Variants in CACNA1F observed in about 807,000 individuals in gnomAD.
CACNA1F encodes the protein voltage-dependent L-type calcium channel subunit alpha-1F.
Under a neutral mutation model 143.8 loss-of-function variants are expected in CACNA1F, and 59 were observed. That is an observed-to-expected ratio of 0.41 (90% CI 0.33 to 0.51). The LOEUF is 0.51. CACNA1F is among the 20% of genes least tolerant of loss of function. The pLI is 0.22. For synonymous variants in CACNA1F, 643 were observed against 649.1 expected (o/e 0.99, Z 0.14); for missense variants, 1,411 against 1,647.5 (o/e 0.86, Z 2.48).
At chrX:49,233,215 T>TTTTTGGGGGGGGGGGGGTTGGGGG in intron 1 of CACNA1F, 70 bp downstream of exon 1, 1 of 812,967 alleles carries the variant, frequency 1.2e-6, no homozygotes, top group Non-Finnish European at 1.7e-6. Context: ...GGGGTCTGGG[T>TTTTTGGGGGGGGGGGGGTTGGGGG]GGGCAATGGG....
chrX:49,228,546 GA>G (rs1415622393), intron 6 of CACNA1F, 99 bp from the exon 7 acceptor site: 9 of 638,954 alleles, frequency 1.4e-5, no homozygotes, highest in Non-Finnish European at 2.3e-5. Flanking sequence ...TTGGGTCCTA[GA>G]TTTTTCTCTT....
intron 42 of CACNA1F, 191 bp downstream of exon 42, chrX:49,209,071 T>C: frequency 4.2e-6 from 2 of 478,307 alleles, no homozygotes; most frequent in Non-Finnish European, 7.2e-6. Flanking sequence ...AAGCGATCCT[T>C]CCACCCTGGA....
In CACNA1F at chrX:49,209,941, C is replaced by G; in HGVS notation, c.4690G>C (p.Glu1564Gln). ...LLDEVIPPPD[E>Q]EEVTVGKFYA... ...GGGAACTGGGGCGGGGATAGCTCAC[C>G]GTCTGGTGGGGGGATGACCTCATCT... The change falls in exon 40 of 48, where the codon GAG becomes CAG. Residue 1564 changes from glutamate (E) to glutamine (Q), a missense_variant and splice_region_variant. Glu to Gln is a conservative substitution (Grantham distance 29). This residue lies in a region of CACNA1F where 349 missense variants were observed against 350.2 expected (regional missense o/e 1.00). Transcript: ENST00000323022. 1 of 1,193,197 alleles carries G rather than the reference C, an allele frequency of 8.4e-7. No homozygotes were observed. Among genetic ancestry groups the G allele is most frequent in the Non-Finnish European group, 1.1e-6 (1 of 878,535 alleles).
In CACNA1F at chrX:49,226,224, T is replaced by G; in HGVS notation, c.1483A>C (p.Arg495=). The change falls in exon 12 of 48, where the codon AGA becomes CGA. Residue 495 remains arginine, a synonymous_variant. Transcript: ENST00000323022. The part of the protein sequence containing the change: ...TRCLNKIMKT[R]VCRRLRRANR... Reference sequence around the variant, plus strand: ...ACAACTTTCCCAACTCACCAGACTCTGGTTTTCATGATCTTGTTTCTGAAA... The same window carrying G: ...ACAACTTTCCCAACTCACCAGACTCGGGTTTTCATGATCTTGTTTCTGAAA... The G allele has an allele frequency of 8.3e-7, 1 of 1,208,059 alleles. No individual in the cohort carries two copies. The highest frequency in any genetic ancestry group is 1.1e-6 in the Non-Finnish European group (1 of 892,171).
chrX:49,231,443 G>A, intron 2 of CACNA1F, 136 bp from the exon 3 acceptor site: 1 of 611,240 alleles, frequency 1.6e-6, no homozygotes, highest in Non-Finnish European at 2.7e-6. Context: ...GCCCTGACAA[G>A]GCCTTGACTT....
Position 49,211,498 on chromosome X carries a change from AG to A in CACNA1F, c.4101-18del. On this transcript the variant is annotated intron_variant, in intron 35 of 47. Transcript: ENST00000323022. Reference sequence around the variant, plus strand: ...GTGGCACACCTGGTGGGAGTCACACAGGGGTAGCATCCTGAAGGGGAGGCTA... The same window carrying A: ...GTGGCACACCTGGTGGGAGTCACACAGGGTAGCATCCTGAAGGGGAGGCTA... 1 of 1,196,855 alleles carries A rather than the reference AG, an allele frequency of 8.4e-7. No individual in the cohort carries two copies. Among genetic ancestry groups the A allele is most frequent in the Non-Finnish European group, 1.1e-6 (1 of 881,936 alleles).
chrX:49,231,164 A>G (rs1284118510), intron 3 of CACNA1F, 38 bp downstream of exon 3: 12 of 985,550 alleles, frequency 1.2e-5, no homozygotes, highest in Non-Finnish European at 1.7e-5. Context: ...CTGGGGCTCT[A>G]TTTGGCTGGG....
At chrX:49,216,311 A>T in intron 27 of CACNA1F, 71 bp downstream of exon 27, 1 of 1,100,481 alleles carries the variant, frequency 9.1e-7, no homozygotes. Context: ...ACCCATTCCC[A>T]GGAGATCCCA....
At position 49,206,738 on chromosome X, in the gene CACNA1F, G is replaced by T. The variant is rs782703688; in HGVS notation, c.5349C>A (p.Pro1783=). The T allele has an allele frequency of 1.7e-6, 2 of 1,205,563 alleles. No homozygotes were observed. The highest frequency in any genetic ancestry group is 3.0e-5 in the East Asian group (1 of 33,818). The part of the protein sequence containing the change: ...HLVPRRRLLP[P]TPAGRKPSFT... Reference sequence around the variant, plus strand: ...CATCCCTGCTCTCACCTGCAGGTGTGGGGGGCAGCAGACGGCGGCGTGGTA... The same window carrying T: ...CATCCCTGCTCTCACCTGCAGGTGTTGGGGGCAGCAGACGGCGGCGTGGTA... The change falls in exon 45 of 48, where the codon CCC becomes CCA. Residue 1783 remains proline, a synonymous_variant. Transcript: ENST00000323022.
At position 49,205,715 on chromosome X, in the gene CACNA1F, G is replaced by A. The variant is rs782471052; in HGVS notation, c.5571C>T (p.Ser1857=). The change falls in exon 47 of 48, where the codon TCC becomes TCT. Residue 1857 remains serine, a synonymous_variant. Transcript: ENST00000323022. ...AGGTGAAGGTGCGCAGTGGGCCACTGGATCTGCCGAGGTACCCCTCCCCCG... is the reference window on the plus strand; with the variant it reads ...AGGTGAAGGTGCGCAGTGGGCCACTAGATCTGCCGAGGTACCCCTCCCCCG... ...GAAGEGYLGR[S]SGPLRTFTCL... is the part of the protein sequence containing the mutation. The A allele has an allele frequency of 8.3e-7, 1 of 1,205,070 alleles. No individual in the cohort carries two copies. The highest frequency in any genetic ancestry group is 1.1e-6 in the Non-Finnish European group (1 of 892,028).
rs782379306 is a variant in CACNA1F at position 49,230,293 on chromosome X, G to T, written c.744C>A (p.Ile248=). ...LHIALLVLFV[I]IIYAIIGLEL... ...CGAGCCCAATGATGGCATAAATGATGATGACGAAGAGCACGAGCAGTGCAA... is the reference window on the plus strand; with the variant it reads ...CGAGCCCAATGATGGCATAAATGATTATGACGAAGAGCACGAGCAGTGCAA... The change falls in exon 6 of 48, where the codon ATC becomes ATA. Residue 248 remains isoleucine, a synonymous_variant. Coordinates refer to ENST00000323022, the MANE Select transcript of CACNA1F (RefSeq NM_001256789.3). The T allele has an allele frequency of 8.3e-7, 1 of 1,205,259 alleles. No individual in the cohort carries two copies. Among genetic ancestry groups the T allele is most frequent in the African/African-American group, 1.8e-5 (1 of 57,134 alleles).
chrX:49,226,514 G>A lies in CACNA1F; in HGVS notation c.1370-12C>T, dbSNP rs782092986. 1.7e-6 allele frequency: 2 copies of A among 1,174,060 alleles called. No homozygotes were observed. Among genetic ancestry groups the A allele is most frequent in the Non-Finnish European group, 1.1e-6 (1 of 873,591 alleles). On this transcript the variant is annotated splice_polypyrimidine_tract_variant and intron_variant, in intron 10 of 47. Transcript: ENST00000323022. ...GGCTGGGAGGCTGGCTGTAGGCAAGGTGGGGATAGTGGTCAGGACCTGAAG... is the reference window on the plus strand; with the variant it reads ...GGCTGGGAGGCTGGCTGTAGGCAAGATGGGGATAGTGGTCAGGACCTGAAG...
rs782358791 is a variant in CACNA1F, at chrX:49,232,439, G to A, written c.26-512C>T. On this transcript the variant is annotated intron_variant, in intron 1 of 47. Transcript: ENST00000323022. ...CTCGTTTCAGCCTCAGAGGGCGGTAGATTGGCCTGGTTAAGATTCCCAGCT... is the reference window on the plus strand; with the variant it reads ...CTCGTTTCAGCCTCAGAGGGCGGTAAATTGGCCTGGTTAAGATTCCCAGCT... Among the ~76,000 whole-genome samples, 230 of 111,851 alleles carry A rather than the reference G, an allele frequency of 2.1e-3. 1 individual carries two copies. The highest frequency in any genetic ancestry group is 7.3e-3 in the African/African-American group (224 of 30,740).
chrX:49,216,388 C>A lies in CACNA1F; in HGVS notation c.3230G>T (p.Trp1077Leu). 1 of 1,211,203 alleles carries A rather than the reference C, an allele frequency of 8.3e-7. No individual in the cohort carries two copies. Among genetic ancestry groups the A allele is most frequent in the Non-Finnish European group, 1.1e-6 (1 of 894,874 alleles). Residue 1077 changes from tryptophan to leucine, a missense_variant, in exon 27 of 48, where the codon TGG becomes TTG. Physicochemically the swap from Trp to Leu is moderately conservative, Grantham distance 61. Transcript: ENST00000323022. ...ALFTVSTFEG[W>L]PALLYKAIDA... ...CCAGGGCCCTGTCCCTCACGCAGGC[C>A]AGCCTTCAAAGGTGGAGACAGTGAA...
chrX:49,226,504 TGTAGGCAAG>T lies in CACNA1F; in HGVS notation c.1370-11_1370-3del. 3 of 1,183,825 alleles carry T rather than the reference TGTAGGCAAG, an allele frequency of 2.5e-6. No individual in the cohort carries two copies. The highest frequency in any genetic ancestry group is 3.4e-6 in the Non-Finnish European group (3 of 880,430). On this transcript the variant is annotated splice_polypyrimidine_tract_variant and splice_region_variant and intron_variant, in intron 10 of 47. Coordinates refer to ENST00000323022, the MANE Select transcript of CACNA1F (RefSeq NM_001256789.3). ...CGGTGTCACTGGCTGGGAGGCTGGC[TGTAGGCAAG>T]GTGGGGATAGTGGTCAGGACCTGAA...
intron 24 of CACNA1F, 91 bp downstream of exon 24, chrX:49,218,364 C>T: frequency 1.4e-6 from 1 of 699,027 alleles, no homozygotes; most frequent in Non-Finnish European, 2.2e-6. Context: ...TATGGTCATG[C>T]ATCCGTGCAA....
In CACNA1F at chrX:49,206,738, G is replaced by C; in HGVS notation, c.5349C>G (p.Pro1783=). 8 of 1,205,563 alleles carry C rather than the reference G, an allele frequency of 6.6e-6. No homozygotes were observed. Among genetic ancestry groups the C allele is most frequent in the Non-Finnish European group, 7.8e-6 (7 of 891,837 alleles). Residue 1783 remains proline, a synonymous_variant, in exon 45 of 48, where the codon CCC becomes CCG. Transcript: ENST00000323022. The part of the protein sequence containing the change: ...HLVPRRRLLP[P]TPAGRKPSFT... ...CATCCCTGCTCTCACCTGCAGGTGT[G>C]GGGGGCAGCAGACGGCGGCGTGGTA...
chrX:49,214,938 A>AT (rs2065695414), intron 29 of CACNA1F, 148 bp downstream of exon 29: 1 of 529,067 alleles, frequency 1.9e-6, no homozygotes, highest in Non-Finnish European at 3.3e-6. Flanking sequence ...ACTTAAAGAA[A>AT]TGTGGCAAAT....
Position 49,208,651 on chromosome X carries a change from C to G in CACNA1F, c.4987G>C (p.Gly1663Arg). The change falls in exon 43 of 48, where the codon GGC becomes CGC. Residue 1663 changes from glycine to arginine, a missense_variant. Around this residue, in one of 3 missense-constraint regions of CACNA1F, gnomAD observed 349 missense variants for 350.2 expected, o/e 1.00. Coordinates refer to ENST00000323022, the MANE Select transcript of CACNA1F (RefSeq NM_001256789.3). ...TMVSQPSARRGSGISVSLPVG... is the reference protein window; with the variant it reads ...TMVSQPSARRRSGISVSLPVG... ...GGCAGAGACACAGAAATCCCGGAGC[C>G]CCGGCGAGCTGAGGGCTGGGAGACC... is the stretch of plus-strand genomic sequence containing the variant. The G allele has an allele frequency of 8.3e-7, 1 of 1,210,833 alleles. No homozygotes were observed. Among genetic ancestry groups the G allele is most frequent in the South Asian group, 1.8e-5 (1 of 56,924 alleles).
Sources: gnomAD v4.1 joint callset for allele counts (sites outside exome capture counted in the v4.1 genomes callset) on GRCh38, gnomAD v4.1.1 for gene constraint, gnomAD v4.1.1 regional missense constraint, MANE v1.5 for transcripts, NCBI Gene and HGNC (gene_info 2026-07-23, HGNC 2026-07-21) for gene names.